The following RGS20 variants were observed in gnomAD, a reference collection of about 807,000 sequenced individuals.
The protein encoded by RGS20 is gz-selective GTPase-activating protein.
In RGS20, 30 loss-of-function variants were observed where a neutral mutation model predicts 33.6. The ratio of observed to expected loss-of-function variants is 0.89; its 90% CI spans 0.67 to 1.21. RGS20 has a LOEUF of 1.21. Among genes scored for constraint, RGS20 ranks in the 50% most tolerant of loss-of-function variants. The probability of loss-of-function intolerance (pLI) is 0.00; values close to 1 mark genes in which losing one functional copy is unlikely to be tolerated. For synonymous variants in RGS20, 208 were observed against 197.9 expected (o/e 1.05, Z -0.43); for missense variants, 472 against 502.4 (o/e 0.94, Z 0.58).
At chr8:53,885,264 T>C (rs1366787515) in intron 2 of RGS20, among the ~76,000 whole-genome samples, 2 of 152,196 alleles carry the variant, frequency 1.3e-5, no homozygotes, top group Non-Finnish European at 2.9e-5. Flanking sequence ...TCACCTTCCA[T>C]GGACAGATGC....
intron 1 of RGS20, among the ~76,000 whole-genome samples, chr8:53,852,609 T>G (rs974522352): frequency 6.6e-6 from 1 of 152,182 alleles, no homozygotes; most frequent in African/African-American, 2.4e-5. Context: ...AAGTGACAAT[T>G]TTCCTGCTGG....
chr8:53,856,542 T>C (rs534736637), intron 1 of RGS20, among the ~76,000 whole-genome samples: 1 of 152,240 alleles, frequency 6.6e-6, no homozygotes, highest in Admixed American at 6.5e-5. Context: ...TTTTCTTCCA[T>C]CAGGATTTTT....
At chr8:53,863,414 C>T (rs945169412) in intron 1 of RGS20, among the ~76,000 whole-genome samples, 1 of 152,154 alleles carries the variant, frequency 6.6e-6, no homozygotes, top group African/African-American at 2.4e-5. Flanking sequence ...CAGATGGGCT[C>T]TTCTTTGCTA....
At chr8:53,905,919 C>G (rs1365514141) in intron 2 of RGS20, among the ~76,000 whole-genome samples, 1 of 152,128 alleles carries the variant, frequency 6.6e-6, no homozygotes, top group Non-Finnish European at 1.5e-5. Flanking sequence ...TGTCCCTCTC[C>G]CCAACACACT....
intron 1 of RGS20, among the ~76,000 whole-genome samples, chr8:53,861,821 C>T (rs1022815659): frequency 3.9e-5 from 6 of 152,068 alleles, no homozygotes; most frequent in African/African-American, 1.4e-4. Flanking sequence ...TCTGTTTTTG[C>T]CTTGTCTTAA....
intron 2 of RGS20, among the ~76,000 whole-genome samples, chr8:53,893,736 G>A (rs902867113): frequency 1.3e-5 from 2 of 152,212 alleles, no homozygotes; most frequent in African/African-American, 4.8e-5. Context: ...TGACTGGTTA[G>A]GCAGTGCTGT....
At chr8:53,869,567 T>G (rs1812008896) in intron 1 of RGS20, among the ~76,000 whole-genome samples, 1 of 151,916 alleles carries the variant, frequency 6.6e-6, no homozygotes, top group African/African-American at 2.4e-5. Flanking sequence ...TCCCAGCTAC[T>G]CGGGAGGCTG....
rs1300624313 is a variant in RGS20, at chr8:53,917,241, A to G, written c.511-22335A>G. ...CAGCTCATTGCAACGTCTGCCTCCC[A>G]GGTTCAAGTGATTCTCCTGCCTCAG... On this transcript the variant is annotated intron_variant, in intron 2 of 5. Transcript: ENST00000297313. 2.0e-5 allele frequency among the ~76,000 whole-genome samples: 3 copies of G among 152,074 alleles called. No homozygotes were observed. The East Asian group carries it at 5.8e-4, about 29-fold the overall frequency.
At chr8:53,889,412 CTTTTTTTTTTTTTTTTTTTTTT>C (rs34316630) in intron 2 of RGS20, among the ~76,000 whole-genome samples, 29 of 41,862 alleles carry the variant, frequency 6.9e-4, no homozygotes, top group Admixed American at 1.2e-3. Flanking sequence ...CTCTCTCTCT[CTTTTTTTTTTTTTTTTTTTTTT>C]TTTTTTTTTT....
intron 2 of RGS20, among the ~76,000 whole-genome samples, chr8:53,936,163 G>C (rs542254516): frequency 6.6e-6 from 1 of 152,304 alleles, no homozygotes; most frequent in African/African-American, 2.4e-5. Context: ...ACAAAAGCTG[G>C]AAGCATTCCC....
At chr8:53,941,967 C>A (rs1403361082) in intron 3 of RGS20, among the ~76,000 whole-genome samples, 2 of 152,032 alleles carry the variant, frequency 1.3e-5, no homozygotes, top group African/African-American at 4.8e-5. Context: ...ATACAAAAAT[C>A]AATTCCCACC....
chr8:53,860,424 G>C (rs1202809406), intron 1 of RGS20, among the ~76,000 whole-genome samples: 2 of 152,188 alleles, frequency 1.3e-5, no homozygotes, highest in Non-Finnish European at 2.9e-5. Flanking sequence ...GACTGGAAAT[G>C]AACTAAAATA....
At chr8:53,893,155 A>G (rs1310230416) in intron 2 of RGS20, among the ~76,000 whole-genome samples, 8 of 152,140 alleles carry the variant, frequency 5.3e-5, no homozygotes, top group African/African-American at 1.2e-4. Flanking sequence ...GGCTAACAGT[A>G]TTTTCTGGAA....
chr8:53,926,163 T>A (rs1335163872), intron 2 of RGS20, among the ~76,000 whole-genome samples: 1 of 152,144 alleles, frequency 6.6e-6, no homozygotes, highest in African/African-American at 2.4e-5. Context: ...TGAGCCGTGT[T>A]CACACCACTG....
rs180791945 is a variant in RGS20, at chr8:53,926,908, A to G, written c.511-12668A>G. The stretch of plus-strand genomic sequence containing the variant: ...AGCCTGGGTGACAGAGCAAGACTCC[A>G]TCTCAAAAAAAGAAAGAAAGAAAGA... On this transcript the variant is annotated intron_variant, in intron 2 of 5. Transcript: ENST00000297313. Among the ~76,000 whole-genome samples the G allele has an allele frequency of 9.7e-3, 1,464 of 151,570 alleles. 13 individuals are homozygous for G. Among genetic ancestry groups the G allele is most frequent in the African/African-American group, 0.032 (1,329 of 40,974 alleles).
intron 2 of RGS20, among the ~76,000 whole-genome samples, chr8:53,899,931 G>A (rs1340840239): frequency 6.6e-6 from 1 of 152,130 alleles, no homozygotes; most frequent in African/African-American, 2.4e-5. Context: ...CCTGACCTGC[G>A]TGCAAAGGTG....
At chr8:53,893,910 CA>C (rs1222392734) in intron 2 of RGS20, among the ~76,000 whole-genome samples, 1 of 152,108 alleles carries the variant, frequency 6.6e-6, no homozygotes, top group African/African-American at 2.4e-5. Flanking sequence ...GCATGTTAAA[CA>C]AATGTCATAA....
chr8:53,898,590 C>T (rs550215516), intron 2 of RGS20, among the ~76,000 whole-genome samples: 1 of 152,262 alleles, frequency 6.6e-6, no homozygotes, highest in East Asian at 1.9e-4. Context: ...ATCCTGTGGG[C>T]TCTAGATTAC....
At chr8:53,908,319 C>T (rs1001905798) in intron 2 of RGS20, among the ~76,000 whole-genome samples, 1 of 152,086 alleles carries the variant, frequency 6.6e-6, no homozygotes, top group Non-Finnish European at 1.5e-5. Flanking sequence ...AAAAGTAAAA[C>T]ACTGGACTTG....
Sources: allele counts gnomAD v4.1 joint callset (sites outside exome capture counted in the v4.1 genomes callset), GRCh38; gene constraint gnomAD v4.1.1; transcripts MANE v1.5; gene names NCBI Gene and HGNC (gene_info 2026-07-23, HGNC 2026-07-21).